SLC46A3: variants seen among roughly 807,000 people sequenced by gnomAD.
The protein encoded by SLC46A3 is lysosomal proton-coupled steroid conjugate and bile acid symporter SLC46A3.
Under a neutral mutation model 38.5 loss-of-function variants are expected in SLC46A3, and 26 were observed. That is an observed-to-expected ratio of 0.68 (90% CI 0.49 to 0.94). The LOEUF is 0.94. Among genes scored for constraint, SLC46A3 ranks in the 40% least tolerant of loss-of-function variants. SLC46A3 has a pLI of 0.00. For synonymous variants in SLC46A3, 185 were observed against 192.5 expected, an observed-to-expected ratio of 0.96 and a Z score of 0.32; for missense variants, 510 against 544.3, an observed-to-expected ratio of 0.94 and a Z score of 0.63.
chr13:28,713,646 T>C, intron 2 of SLC46A3, 96 bp from the exon 3 acceptor site: 1 of 1,221,902 alleles, frequency 8.2e-7, no homozygotes, highest in Non-Finnish European at 1.1e-6. Context: ...CTGTGGCCAG[T>C]AGGTTATGGG....
Position 28,700,892 on chromosome 13 carries a change from T to C in SLC46A3, c.*605A>G, listed in dbSNP as rs1266964619. On this transcript the variant is annotated 3_prime_UTR_variant, in exon 6 of 6. Transcript: ENST00000266943. ...TATCAACAAAGCACTGATTGTGGAA[T>C]TCATGTATAGTCTTCAGAAGTCACA... 7.5e-7 allele frequency: 1 copy of C among 1,324,716 alleles called. No homozygotes were observed. The highest frequency in any genetic ancestry group is 1.1e-6 in the Non-Finnish European group (1 of 951,576). The allele number at this position is 1,324,716 out of a possible 1,614,324, so 82.1% of individuals were successfully genotyped here. A position where few individuals can be genotyped will look rare whatever the true frequency, so the allele number is the denominator to read the frequency against.
At position 28,710,758 on chromosome 13, in the gene SLC46A3, A is replaced by C; in HGVS notation, c.1144+2T>G. The C allele has an allele frequency of 6.2e-7, 1 of 1,608,538 alleles. No individual in the cohort carries two copies. Among genetic ancestry groups the C allele is most frequent in the Non-Finnish European group, 8.5e-7 (1 of 1,175,418 alleles). On this transcript the variant is annotated splice_donor_variant, in intron 4 of 5. Coordinates refer to ENST00000266943, the MANE Select transcript of SLC46A3 (RefSeq NM_181785.4). LOFTEE classifies it high-confidence loss of function. ...CATATTTCTTAAGCAAATTAAACTC[A>C]CCTTGTTCAGTCGAACGAACCACTT...
At chr13:28,709,029 G>A (rs946639310) in intron 4 of SLC46A3, among the ~76,000 whole-genome samples, 4 of 151,908 alleles carry the variant, frequency 2.6e-5, no homozygotes. Flanking sequence ...TCTTATGAGT[G>A]AAAAATAAGA....
Position 28,717,848 on chromosome 13 carries a change from C to G in SLC46A3, c.151G>C (p.Glu51Gln). ...FSSDSNISEC[E>Q]KNKSSPIFAF... ...AAAATTGGGCTGCTTTTGTTTTTTT[C>G]ACACTCAGAAATATTGCTATCAGAT... The change falls in exon 2 of 6, where the codon GAA becomes CAA. Residue 51 changes from glutamate to glutamine, a missense_variant. Physicochemically the swap from Glu to Gln is conservative, Grantham distance 29. Coordinates refer to ENST00000266943, the MANE Select transcript of SLC46A3 (RefSeq NM_181785.4). 1 of 1,612,504 alleles carries G rather than the reference C, an allele frequency of 6.2e-7. No individual in the cohort carries two copies. The highest frequency in any genetic ancestry group is 8.5e-7 in the Non-Finnish European group (1 of 1,179,610).
intron 2 of SLC46A3, 148 bp from the exon 3 acceptor site, chr13:28,713,698 A>G: frequency 1.5e-6 from 1 of 677,762 alleles, no homozygotes; most frequent in East Asian, 2.7e-5. Flanking sequence ...TAGAGCTTAC[A>G]TTTTCATCCA....
chr13:28,713,062 T>C lies in SLC46A3; in HGVS notation c.678A>G (p.Ser226=), dbSNP rs764530530. Residue 226 remains serine (S), a synonymous_variant, in exon 3 of 6, where the codon TCA becomes TCG. Transcript: ENST00000266943. ...TACATGACATAGTAACATTCTGAGATGAACACTCTTTCACTGGATCTCCGA... is the reference window on the plus strand; with the variant it reads ...TACATGACATAGTAACATTCTGAGACGAACACTCTTTCACTGGATCTCCGA... ...FFLGDPVKEC[S]SQNVTMSCSE... is the part of the protein sequence containing the mutation. The C allele has an allele frequency of 6.2e-7, 1 of 1,611,192 alleles. No homozygotes were observed. Among genetic ancestry groups the C allele is most frequent in the Non-Finnish European group, 8.5e-7 (1 of 1,179,528 alleles).
chr13:28,712,877 G>A lies in SLC46A3; in HGVS notation c.863C>T (p.Ser288Leu), dbSNP rs1167619278. 2.5e-6 allele frequency: 4 copies of A among 1,610,788 alleles called. No homozygotes were observed. The highest frequency in any genetic ancestry group is 3.4e-6 in the Non-Finnish European group (4 of 1,179,292). Reference protein sequence around the residue: ...APIFILYELDSPLCWNEVFIG... With the variant: ...APIFILYELDLPLCWNEVFIG... ...AAAAACTTCATTCCAGCAGAGTGGT[G>A]AATCCAATTCATAAAGGATAAAAAT... The change falls in exon 3 of 6, where the codon TCA becomes TTA. Residue 288 changes from serine to leucine, a missense_variant. Coordinates refer to ENST00000266943, the MANE Select transcript of SLC46A3 (RefSeq NM_181785.4).
At chr13:28,705,774 G>A (rs1043426661) in intron 4 of SLC46A3, among the ~76,000 whole-genome samples, 1 of 152,186 alleles carries the variant, frequency 6.6e-6, no homozygotes, top group African/African-American at 2.4e-5. Flanking sequence ...AGTTTAATTG[G>A]AAGGATGTTC....
chr13:28,713,250 G>GCCTGATCGTTT lies in SLC46A3; in HGVS notation c.489_490insAAACGATCAGG (p.Gln164LysfsTer10). On this transcript the variant is annotated frameshift_variant, in exon 3 of 6. Coordinates refer to ENST00000266943, the MANE Select transcript of SLC46A3 (RefSeq NM_181785.4). LOFTEE classifies it high-confidence loss of function. ...ATGATAGCTATTCGAATTGTTTTTT[G>GCCTGATCGTTT]TTTGTGTTCTTTACACTGATCAACT... 6.2e-7 allele frequency: 1 copy of GCCTGATCGTTT among 1,613,638 alleles called. No individual in the cohort carries two copies. The highest frequency in any genetic ancestry group is 8.5e-7 in the Non-Finnish European group (1 of 1,179,918).
chr13:28,702,345 T>TCTCC lies in SLC46A3; in HGVS notation c.1302-768_1302-765dup, dbSNP rs561163288. ...GCTGTACCATCATTTACTTAAACAT[T>TCTCC]CTCCCACTGTTGGACAGTTTGGTCA... is the stretch of plus-strand genomic sequence containing the variant. On this transcript the variant is annotated intron_variant, in intron 5 of 5. Transcript: ENST00000266943. Among the ~76,000 whole-genome samples, 53 of 152,294 alleles carry TCTCC rather than the reference T, an allele frequency of 3.5e-4. No homozygotes were observed. In the East Asian group the frequency reaches 9.3e-3, roughly 27 times the overall value.
At position 28,718,486 on chromosome 13, in the gene SLC46A3, T is replaced by G. The variant is rs889483065; in HGVS notation, c.-25+10A>C. On this transcript the variant is annotated intron_variant, in intron 1 of 5. Coordinates refer to ENST00000266943, the MANE Select transcript of SLC46A3 (RefSeq NM_181785.4). ...AGCTCCCAATCGAAAGGGCCTTATT[T>G]TTAACTCACCCCACGATTACAGTCT... 1 of 152,782 alleles carries G rather than the reference T, an allele frequency of 6.5e-6. No individual in the cohort carries two copies. Among genetic ancestry groups the G allele is most frequent in the Non-Finnish European group, 1.5e-5 (1 of 68,446 alleles). The allele number at this position is 152,782 out of a possible 1,614,324, so 9.5% of individuals were successfully genotyped here.
chr13:28,718,055 G>T, intron 1 of SLC46A3, 33 bp from the exon 2 acceptor site: 1 of 1,539,110 alleles, frequency 6.5e-7, no homozygotes, highest in Non-Finnish European at 8.8e-7. Flanking sequence ...AAGATCATCT[G>T]TCTCATCCCA....
chr13:28,706,741 A>G (rs1158888599), intron 4 of SLC46A3, among the ~76,000 whole-genome samples: 1 of 152,176 alleles, frequency 6.6e-6, no homozygotes, highest in East Asian at 1.9e-4. Flanking sequence ...CTTTATAAGG[A>G]TATGAACAGA....
chr13:28,700,994 T>C lies in SLC46A3; in HGVS notation c.*503A>G, dbSNP rs973719529. ...GCATTACCAAGTATAGGTAAAATCA[T>C]ACATATTTGAAACTTATATCATTAT... On this transcript the variant is annotated 3_prime_UTR_variant, in exon 6 of 6. Coordinates refer to ENST00000266943, the MANE Select transcript of SLC46A3 (RefSeq NM_181785.4). 6.6e-7 allele frequency: 1 copy of C among 1,525,990 alleles called. No individual in the cohort carries two copies. Among genetic ancestry groups the C allele is most frequent in the African/African-American group, 1.4e-5 (1 of 71,800 alleles). The allele number at this position is 1,525,990 out of a possible 1,614,324, so 94.5% of individuals were successfully genotyped here.
chr13:28,713,677 G>C, intron 2 of SLC46A3, 127 bp from the exon 3 acceptor site: 1 of 803,330 alleles, frequency 1.2e-6, no homozygotes, highest in Non-Finnish European at 1.9e-6. Context: ...CTGGTGGATG[G>C]GCGGGACTAA....
rs1322198755 is a variant in SLC46A3, at chr13:28,717,484, A to AATTTTTTTTTTTTT, written c.189+325_189+326insAAAAAAAAAAAAAT. On this transcript the variant is annotated intron_variant, in intron 2 of 5. Transcript: ENST00000266943. ...CAGCCTGCCCTGCCCCAATTTTCAG[A>AATTTTTTTTTTTTT]CTTTTTTTTTTTTTTTTTTTTTTTT... is the stretch of plus-strand genomic sequence containing the variant. Among the ~76,000 whole-genome samples the AATTTTTTTTTTTTT allele has an allele frequency of 6.9e-3, 644 of 93,888 alleles. 68 individuals are homozygous for AATTTTTTTTTTTTT. Among genetic ancestry groups the AATTTTTTTTTTTTT allele is most frequent in the Middle Eastern group, 0.033 (6 of 182 alleles). The allele number at this position is 93,888 out of a possible 152,430, so 61.6% of individuals were successfully genotyped here. A position where few individuals can be genotyped will look rare whatever the true frequency, so the allele number is the denominator to read the frequency against.
chr13:28,713,001 T>G lies in SLC46A3; in HGVS notation c.739A>C (p.Met247Leu), dbSNP rs553771259. ...GFKNLFYRTY[M>L]LFKNASGKRR... The stretch of plus-strand genomic sequence containing the variant: ...TTACCAGAAGCATTCTTAAAAAGCA[T>G]GTAAGTTCGGTAAAATAGGTTTTTG... Residue 247 changes from methionine (M) to leucine (L), a missense_variant, in exon 3 of 6, where the codon ATG becomes CTG. Met to Leu is a conservative substitution (Grantham distance 15). Transcript: ENST00000266943. 2 of 1,613,356 alleles carry G rather than the reference T, an allele frequency of 1.2e-6. No homozygotes were observed. The highest frequency in any genetic ancestry group is 8.5e-7 in the Non-Finnish European group (1 of 1,179,894).
At chr13:28,717,764 A>G (rs1885573022) in intron 2 of SLC46A3, 46 bp downstream of exon 2, 2 of 1,568,668 alleles carry the variant, frequency 1.3e-6, no homozygotes, top group Non-Finnish European at 1.7e-6. Flanking sequence ...AAAGCCCGGT[A>G]TACATTCCCA....
intron 4 of SLC46A3, among the ~76,000 whole-genome samples, chr13:28,706,730 C>G (rs959391055): frequency 4.6e-5 from 7 of 152,014 alleles, no homozygotes; most frequent in Non-Finnish European, 8.8e-5. Flanking sequence ...TTTTTAAAAG[C>G]CTTTATAAGG....
Sources: gnomAD v4.1 joint callset for allele counts (sites outside exome capture counted in the v4.1 genomes callset) on GRCh38, gnomAD v4.1.1 for gene constraint, MANE v1.5 for transcripts, NCBI Gene and HGNC (gene_info 2026-07-23, HGNC 2026-07-21) for gene names.